Variants in SOX5 observed in about 807,000 individuals in gnomAD.
SOX5 encodes transcription factor SOX-5.
In SOX5, 9 loss-of-function variants were observed where a neutral mutation model predicts 92.0. The ratio of observed to expected loss-of-function variants is 0.10; its 90% confidence interval spans 0.06 to 0.17. SOX5 has a LOEUF of 0.17. SOX5 is among the 10% of genes least tolerant of loss of function. SOX5 has a pLI of 1.00. For synonymous variants in SOX5, 344 were observed against 336.3 expected (o/e 1.02, Z -0.25); for missense variants, 642 against 944.5 (o/e 0.68, Z 4.20).
intron 4 of SOX5, among the ~76,000 whole-genome samples, chr12:24,048,142 T>TA (rs1957228476): frequency 6.6e-6 from 1 of 152,222 alleles, no homozygotes; most frequent in Non-Finnish European, 1.5e-5. Context: ...AGCTTTCTGA[T>TA]ACATCATCAC....
intron 1 of SOX5, among the ~76,000 whole-genome samples, chr12:24,372,183 G>A (rs1287391675): frequency 2.6e-5 from 4 of 152,068 alleles, no homozygotes; most frequent in South Asian, 2.1e-4. Context: ...TGTGCAGAAC[G>A]TTCAGGTTTG....
chr12:24,544,637 C>T (rs927793434), intron 1 of SOX5, among the ~76,000 whole-genome samples: 2 of 152,196 alleles, frequency 1.3e-5, no homozygotes, highest in Non-Finnish European at 2.9e-5. Context: ...CATACACACA[C>T]ACATTCCCTC....
At position 24,018,134 on chromosome 12, in the gene SOX5, C is replaced by T. The variant is rs140688134; in HGVS notation, c.-1-122110G>A. On this transcript the variant is annotated intron_variant, in intron 4 of 4. Coordinates refer to the SOX5 transcript ENST00000446891. ...CTTCCTTTATCTGCCCCTACATCACCGGCTTTCCCAGAGATTCTTCTTTTC... is the reference window on the plus strand; with the variant it reads ...CTTCCTTTATCTGCCCCTACATCACTGGCTTTCCCAGAGATTCTTCTTTTC... 2.1e-4 allele frequency among the ~76,000 whole-genome samples: 32 copies of T among 152,130 alleles called. No individual in the cohort carries two copies. The East Asian group carries it at 2.3e-3, about 11-fold the overall frequency.
rs74069202 is a variant in SOX5, at chr12:23,814,269, G to C, written c.481+31714C>G. ...TAATTGAAATGGATTCTCTTGCATT[G>C]CCCTTCACATACTTGCTGGTAACTA... On this transcript the variant is annotated intron_variant, in intron 3 of 14. Coordinates refer to ENST00000451604, the MANE Select transcript of SOX5 (RefSeq NM_006940.6). Among the ~76,000 whole-genome samples the C allele has an allele frequency of 4.2e-3, 645 of 152,186 alleles. 3 individuals carry two copies. The highest frequency in any genetic ancestry group is 0.014 in the African/African-American group (561 of 41,532).
At chr12:24,228,035 C>A (rs945191430) in intron 3 of SOX5, among the ~76,000 whole-genome samples, 1 of 152,090 alleles carries the variant, frequency 6.6e-6, no homozygotes, top group Non-Finnish European at 1.5e-5. Context: ...TCTGGGGAAC[C>A]GAATGGGTGC....
At chr12:24,354,541 G>A (rs1954553115) in intron 2 of SOX5, among the ~76,000 whole-genome samples, 1 of 152,222 alleles carries the variant, frequency 6.6e-6, no homozygotes, top group Non-Finnish European at 1.5e-5. Flanking sequence ...CTGGAGCAGA[G>A]CAGCTGCTTG....
intron 4 of SOX5, among the ~76,000 whole-genome samples, chr12:24,114,997 A>G (rs916657043): frequency 1.3e-5 from 2 of 152,214 alleles, no homozygotes; most frequent in Non-Finnish European, 2.9e-5. Flanking sequence ...ATACTTAAAA[A>G]TTGAAAATAG....
At chr12:24,026,095 T>C (rs2136758718) in intron 4 of SOX5, among the ~76,000 whole-genome samples, 1 of 152,080 alleles carries the variant, frequency 6.6e-6, no homozygotes, top group South Asian at 2.1e-4. Context: ...GAAAACAAAA[T>C]ACCTCATGAT....
chr12:23,786,066 C>T (rs10842223), intron 3 of SOX5, among the ~76,000 whole-genome samples: 66,159 of 151,568 alleles, frequency 0.44, 14,699 homozygotes, highest in East Asian at 0.8. Context: ...TTCTAGTTAT[C>T]AATTCAGTGC....
intron 3 of SOX5, among the ~76,000 whole-genome samples, chr12:23,829,465 A>G (rs1435082424): frequency 6.6e-6 from 1 of 152,156 alleles, no homozygotes; most frequent in African/African-American, 2.4e-5. Context: ...TCACTCTTGA[A>G]TAAGTGATAT....
At chr12:23,695,533 T>C (rs2089657930) in intron 6 of SOX5, among the ~76,000 whole-genome samples, 1 of 152,214 alleles carries the variant, frequency 6.6e-6, no homozygotes, top group Non-Finnish European at 1.5e-5. Flanking sequence ...ATGCTTTTTC[T>C]GCTTCTATTA....
At chr12:24,079,286 A>G (rs1471509160) in intron 4 of SOX5, among the ~76,000 whole-genome samples, 1 of 151,940 alleles carries the variant, frequency 6.6e-6, no homozygotes, top group Admixed American at 6.6e-5. Flanking sequence ...CTTGCCCAAG[A>G]TAAGATCAAC....
At chr12:23,546,092 T>G (rs1943083078) in intron 12 of SOX5, among the ~76,000 whole-genome samples, 1 of 152,162 alleles carries the variant, frequency 6.6e-6, no homozygotes, top group African/African-American at 2.4e-5. Flanking sequence ...AGGCTCTTTC[T>G]CTGCAATGGG....
intron 4 of SOX5, among the ~76,000 whole-genome samples, chr12:24,118,162 G>A (rs558521502): frequency 6.6e-6 from 1 of 152,146 alleles, no homozygotes; most frequent in Admixed American, 6.5e-5. Flanking sequence ...ATTATACTGG[G>A]GGAATAACTT....
chr12:24,275,690 G>C (rs1944358222), intron 3 of SOX5, among the ~76,000 whole-genome samples: 1 of 151,994 alleles, frequency 6.6e-6, no homozygotes. Flanking sequence ...TGTTATGTTG[G>C]ATCTGGATCA....
chr12:23,726,136 AG>A (rs2093108979), intron 6 of SOX5, among the ~76,000 whole-genome samples: 2 of 19,274 alleles, frequency 1.0e-4, no homozygotes, highest in African/African-American at 3.2e-4. Context: ...AGAGAGAGAG[AG>A]AGAGAGAGAG....
intron 14 of SOX5, 27 bp downstream of exon 14, chr12:23,536,426 T>G (rs768719578): frequency 6.7e-5 from 105 of 1,567,096 alleles, no homozygotes; most frequent in Non-Finnish European, 8.6e-5. Flanking sequence ...GTTTGCCCCA[T>G]GAGAAAAATG....
At chr12:23,618,772 T>C (rs1467356885) in intron 8 of SOX5, among the ~76,000 whole-genome samples, 2 of 152,194 alleles carry the variant, frequency 1.3e-5, no homozygotes, top group African/African-American at 4.8e-5. Context: ...CCTGAAATTC[T>C]TCTGTGATGT....
At chr12:23,780,489 C>T (rs937101624) in intron 3 of SOX5, among the ~76,000 whole-genome samples, 1 of 150,910 alleles carries the variant, frequency 6.6e-6, no homozygotes, top group African/African-American at 2.4e-5. Context: ...TAAGTGCTAA[C>T]TGGGTGATAC....
Sources: allele counts gnomAD v4.1 joint callset (sites outside exome capture counted in the v4.1 genomes callset), GRCh38; gene constraint gnomAD v4.1.1; transcripts MANE v1.5; gene names NCBI Gene and HGNC (gene_info 2026-07-23, HGNC 2026-07-21).